WDR19: variants seen among roughly 807,000 people sequenced by gnomAD.
WDR19 encodes the protein WD repeat-containing protein 19.
WDR19 carries 121 observed loss-of-function variants against 180.0 expected under a neutral mutation model. The observed-to-expected ratio is 0.67, with a 90% CI of 0.58 to 0.78. WDR19 has a LOEUF of 0.78. WDR19 is among the 30% of genes least tolerant of loss of function. The pLI, the probability that WDR19 is intolerant of heterozygous loss-of-function variation, is 0.00. For missense variants in WDR19, 1,450 were observed against 1,640.7 expected, an observed-to-expected ratio of 0.88 and a Z score of 2.01; for synonymous variants, 497 against 540.7, an observed-to-expected ratio of 0.92 and a Z score of 1.12.
intron 28 of WDR19, among the ~76,000 whole-genome samples, chr4:39,260,911 A>G (rs1734223940): frequency 6.6e-6 from 1 of 152,210 alleles, no homozygotes; most frequent in South Asian, 2.1e-4. Flanking sequence ...TCCAAGTATC[A>G]TTACATGAAG....
At chr4:39,222,815 A>T (rs562635761) in intron 14 of WDR19, among the ~76,000 whole-genome samples, 1 of 152,320 alleles carries the variant, frequency 6.6e-6, no homozygotes, top group South Asian at 2.1e-4. Flanking sequence ...CGCAGTGGTA[A>T]CATTATAGTA....
chr4:39,229,013 A>T (rs1004030337), intron 17 of WDR19, among the ~76,000 whole-genome samples: 14 of 152,180 alleles, frequency 9.2e-5, no homozygotes, highest in African/African-American at 3.4e-4. Context: ...GTCCATGTGT[A>T]CCCATTGTTT....
intron 36 of WDR19, among the ~76,000 whole-genome samples, 162 bp from the exon 37 acceptor site, chr4:39,285,325 G>A (rs1253412893): frequency 2.0e-5 from 3 of 152,288 alleles, no homozygotes; most frequent in African/African-American, 7.2e-5. Context: ...ACTGAAACTT[G>A]ATGCGGATTA....
chr4:39,194,845 G>C (rs974337283), intron 5 of WDR19, 186 bp downstream of exon 5: 1 of 560,956 alleles, frequency 1.8e-6, no homozygotes. Flanking sequence ...CTAAGAACTT[G>C]CCAGGGTACA....
chr4:39,184,083 A>G (rs762297654), intron 1 of WDR19, among the ~76,000 whole-genome samples: 2 of 152,140 alleles, frequency 1.3e-5, no homozygotes, highest in Admixed American at 6.5e-5. Flanking sequence ...TCTACTTTCA[A>G]TAGAGGGGAA....
Position 39,228,573 on chromosome 4 carries a change from C to A in WDR19, c.1865C>A (p.Thr622Lys). The change falls in exon 17 of 37, where the codon ACA becomes AAA. Residue 622 changes from threonine to lysine, a missense_variant. By Grantham distance (78) the Thr-to-Lys change is moderately conservative (BLOSUM62 -1). Coordinates refer to ENST00000399820, the MANE Select transcript of WDR19 (RefSeq NM_025132.4). ...TATAATGGAGAGCTGACCTGCCAAACACAGAGTGGAAAAGTAAACAACATC... is the reference window on the plus strand; with the variant it reads ...TATAATGGAGAGCTGACCTGCCAAAAACAGAGTGGAAAAGTAAACAACATC... ...LLYNGELTCQ[T>K]QSGKVNNIYL... 1 of 1,613,906 alleles carries A rather than the reference C, an allele frequency of 6.2e-7. No individual in the cohort carries two copies. The highest frequency in any genetic ancestry group is 8.5e-7 in the Non-Finnish European group (1 of 1,179,826).
chr4:39,244,042 C>G (rs950359919), intron 21 of WDR19, among the ~76,000 whole-genome samples: 1 of 151,424 alleles, frequency 6.6e-6, no homozygotes, highest in African/African-American at 2.4e-5. Context: ...TCTAGGCTTT[C>G]GCAGAACAAA....
intron 27 of WDR19, among the ~76,000 whole-genome samples, 185 bp from the exon 28 acceptor site, chr4:39,257,301 C>T (rs758270718): frequency 5.9e-5 from 9 of 152,180 alleles, no homozygotes; most frequent in South Asian, 2.1e-4. Context: ...CTGGGTCCTT[C>T]CATTTTTTAA....
chr4:39,200,182 G>T (rs2109285520), intron 6 of WDR19, among the ~76,000 whole-genome samples: 1 of 152,304 alleles, frequency 6.6e-6, no homozygotes, highest in Admixed American at 6.5e-5. Flanking sequence ...GAGCAATATT[G>T]ACTAACACAT....
At chr4:39,202,484 T>TC (rs1275307344) in intron 6 of WDR19, among the ~76,000 whole-genome samples, 2 of 152,150 alleles carry the variant, frequency 1.3e-5, no homozygotes, top group Admixed American at 1.3e-4. Flanking sequence ...ATACCATTTT[T>TC]CACCTATCAG....
intron 35 of WDR19, 92 bp downstream of exon 35, chr4:39,278,299 G>A: frequency 8.0e-7 from 1 of 1,250,426 alleles, no homozygotes; most frequent in Non-Finnish European, 1.1e-6. Context: ...TCTTCTATTT[G>A]TGTTCCTAAG....
In WDR19 at chr4:39,266,130, G is replaced by A; in HGVS notation, c.3251G>A (p.Gly1084Asp). 1 of 1,562,598 alleles carries A rather than the reference G, an allele frequency of 6.4e-7. No homozygotes were observed. The highest frequency in any genetic ancestry group is 8.7e-7 in the Non-Finnish European group (1 of 1,153,020). Residue 1084 changes from glycine (G) to aspartate (D), a missense_variant, in exon 29 of 37, where the codon GGC becomes GAC. By Grantham distance (94) the Gly-to-Asp change is moderately conservative (BLOSUM62 -1). Transcript: ENST00000399820. ...GACCATCTCCTGGGGGAGAACGATG[G>A]CATGCCTAAGGTACTGAACACGTGG... ...LIDHLLGEND[G>D]MPKDAKYLFR...
At chr4:39,203,112 C>CTTTTT (rs553565048) in intron 6 of WDR19, among the ~76,000 whole-genome samples, 1 of 135,676 alleles carries the variant, frequency 7.4e-6, no homozygotes, top group African/African-American at 2.7e-5. Flanking sequence ...CTTTTTCTTT[C>CTTTTT]TTTTTTTTTT....
At chr4:39,194,902 A>G (rs894524895) in intron 5 of WDR19, 1 of 421,304 alleles carries the variant, frequency 2.4e-6, no homozygotes, top group Non-Finnish European at 4.2e-6. Flanking sequence ...GCATCAGGAC[A>G]TTAACAGCAT....
chr4:39,252,358 T>C (rs1361445902), intron 24 of WDR19, among the ~76,000 whole-genome samples: 3 of 77,064 alleles, frequency 3.9e-5, no homozygotes, highest in Non-Finnish European at 4.7e-5. Flanking sequence ...GGGCCTGTTG[T>C]GGGGTGGGGG....
At chr4:39,276,335 G>A (rs1325834749) in intron 33 of WDR19, among the ~76,000 whole-genome samples, 1 of 152,120 alleles carries the variant, frequency 6.6e-6, no homozygotes, top group African/African-American at 2.4e-5. Context: ...GTGGGATGGG[G>A]AGAAGGTAAC....
intron 1 of WDR19, among the ~76,000 whole-genome samples, chr4:39,185,319 T>A (rs1360790728): frequency 6.6e-6 from 1 of 152,248 alleles, no homozygotes; most frequent in Admixed American, 6.5e-5. Flanking sequence ...GTTTTTATCA[T>A]GTTTAAGATA....
chr4:39,257,094 AAC>A (rs2109450580), intron 27 of WDR19, among the ~76,000 whole-genome samples: 1 of 152,354 alleles, frequency 6.6e-6, no homozygotes, highest in East Asian at 1.9e-4. Context: ...GACTGTACAT[AAC>A]ACAGAAAATA....
At chr4:39,258,386 C>T (rs1275454667) in intron 28 of WDR19, among the ~76,000 whole-genome samples, 2 of 152,008 alleles carry the variant, frequency 1.3e-5, no homozygotes, top group African/African-American at 2.4e-5. Flanking sequence ...CTCCTGACCT[C>T]GTGATCTGCC....
Sources: gnomAD v4.1 joint callset for allele counts (sites outside exome capture counted in the v4.1 genomes callset) on GRCh38, gnomAD v4.1.1 for gene constraint, MANE v1.5 for transcripts, NCBI Gene and HGNC (gene_info 2026-07-23, HGNC 2026-07-21) for gene names.